The following GABRG3 variants were observed in gnomAD, a reference collection of about 807,000 sequenced individuals.
GABRG3 encodes gamma-aminobutyric acid receptor subunit gamma-3.
A neutral mutation model predicts 48.8 loss-of-function variants in GABRG3; 25 were observed. The observed-to-expected ratio is 0.51, with a 90% CI of 0.37 to 0.72. The LOEUF is 0.72. GABRG3 is among the 30% of genes least tolerant of loss of function. GABRG3 has a pLI of 0.00. For synonymous variants in GABRG3, 227 were observed against 217.6 expected (o/e 1.04, Z -0.38); for missense variants, 394 against 577.9 (o/e 0.68, Z 3.26).
intron 5 of GABRG3, among the ~76,000 whole-genome samples, chr15:27,342,082 T>G (rs991066494): frequency 6.6e-6 from 1 of 152,010 alleles, no homozygotes. Context: ...CATGTCAGAG[T>G]CCTGCCACTG....
chr15:27,530,266 C>G (rs1891390815), intron 9 of GABRG3, among the ~76,000 whole-genome samples: 1 of 152,126 alleles, frequency 6.6e-6, no homozygotes, highest in African/African-American at 2.4e-5. Flanking sequence ...AAGCACGGTG[C>G]TCTGGGACAC....
chr15:27,014,958 G>A (rs949552720), intron 2 of GABRG3, among the ~76,000 whole-genome samples: 1 of 152,186 alleles, frequency 6.6e-6, no homozygotes, highest in African/African-American at 2.4e-5. Context: ...AACGTTAGGT[G>A]TATATATACT....
intron 3 of GABRG3, among the ~76,000 whole-genome samples, chr15:27,309,300 A>ATGTGTG (rs60005048): frequency 2.0e-5 from 3 of 150,094 alleles, no homozygotes; most frequent in African/African-American, 7.3e-5. Flanking sequence ...TGTTTTATAT[A>ATGTGTG]TGTGTGTGTG....
chr15:27,217,706 C>A (rs940853694), intron 3 of GABRG3, among the ~76,000 whole-genome samples: 1 of 152,214 alleles, frequency 6.6e-6, no homozygotes, highest in Non-Finnish European at 1.5e-5. Context: ...GAGTCACTGG[C>A]ACACACAGAG....
At chr15:27,094,996 T>C (rs929269597) in intron 3 of GABRG3, among the ~76,000 whole-genome samples, 25 of 152,266 alleles carry the variant, frequency 1.6e-4, no homozygotes, top group African/African-American at 6.0e-4. Context: ...TTTCTTTTCT[T>C]TACAGCTGTA....
At chr15:27,055,977 A>G (rs1896538393) in intron 3 of GABRG3, among the ~76,000 whole-genome samples, 2 of 152,358 alleles carry the variant, frequency 1.3e-5, no homozygotes, top group Non-Finnish European at 1.5e-5. Context: ...ACATGTATAC[A>G]TTCTGCAGTG....
intron 3 of GABRG3, among the ~76,000 whole-genome samples, chr15:27,040,732 T>C (rs1418739771): frequency 6.6e-6 from 1 of 152,226 alleles, no homozygotes; most frequent in Non-Finnish European, 1.5e-5. Context: ...CTGTTTTCCT[T>C]TCTCTTTTCT....
chr15:27,423,242 TAAAAAAAAAAA>T (rs58007397), intron 5 of GABRG3, among the ~76,000 whole-genome samples: 50 of 74,756 alleles, frequency 6.7e-4, no homozygotes, highest in African/African-American at 2.4e-3. Context: ...GTCATTATGA[TAAAAAAAAAAA>T]AAAAAAAAAA....
rs1337063622 is a variant in GABRG3, at chr15:27,422,964, A to AT, written c.575-57685dup. 3.9e-5 allele frequency among the ~76,000 whole-genome samples: 6 copies of AT among 152,216 alleles called. No homozygotes were observed. The East Asian group carries it at 1.2e-3, about 30-fold the overall frequency. On this transcript the variant is annotated intron_variant, in intron 5 of 9. Coordinates refer to ENST00000615808, the MANE Select transcript of GABRG3 (RefSeq NM_033223.5). ...AGCACTGGCTTCTGAGACCACCCCT[A>AT]TCCTGGGCCACACAGGAGTGCTTTC...
At chr15:27,168,835 G>A (rs1216523179) in intron 3 of GABRG3, among the ~76,000 whole-genome samples, 12 of 152,168 alleles carry the variant, frequency 7.9e-5, no homozygotes, top group Admixed American at 7.9e-4. Context: ...TTGTTTGTAA[G>A]TTGCCCAGTC....
At chr15:27,027,967 AAAG>A (rs1327565117) in intron 3 of GABRG3, among the ~76,000 whole-genome samples, 4 of 152,248 alleles carry the variant, frequency 2.6e-5, no homozygotes, top group Non-Finnish European at 4.4e-5. Context: ...TCTAACACTC[AAAG>A]AAGAAGTGCC....
In GABRG3 at chr15:27,370,534, G is replaced by C. The variant is rs139975699; in HGVS notation, c.574+41646G>C. Among the ~76,000 whole-genome samples, 22 of 152,252 alleles carry C rather than the reference G, an allele frequency of 1.4e-4. No individual in the cohort carries two copies. In the East Asian group the frequency reaches 4.3e-3, roughly 29 times the overall value. The stretch of plus-strand genomic sequence containing the variant: ...AGTCTGGGACCACCCTGGGATCCTG[G>C]TCCAGCAGACTTGGTCTGTTAGTGG... On this transcript the variant is annotated intron_variant, in intron 5 of 9. Transcript: ENST00000615808.
chr15:27,000,944 T>G (rs1360452031), intron 2 of GABRG3, among the ~76,000 whole-genome samples: 1 of 152,196 alleles, frequency 6.6e-6, no homozygotes, highest in East Asian at 1.9e-4. Context: ...CTGTTCCCAG[T>G]CATATGGGGA....
chr15:27,267,527 C>T (rs1890959697), intron 3 of GABRG3, among the ~76,000 whole-genome samples: 1 of 151,888 alleles, frequency 6.6e-6, no homozygotes, highest in Non-Finnish European at 1.5e-5. Context: ...GCAGTCTCAA[C>T]TTCCCAGGCT....
intron 4 of GABRG3, among the ~76,000 whole-genome samples, 162 bp from the exon 5 acceptor site, chr15:27,328,644 A>C (rs935287586): frequency 5.3e-5 from 8 of 152,256 alleles, no homozygotes; most frequent in Admixed American, 1.3e-4. Flanking sequence ...AAAGCAACAC[A>C]GCACAGTCTC....
chr15:27,281,435 A>C (rs1891429672), intron 3 of GABRG3, among the ~76,000 whole-genome samples: 2 of 150,540 alleles, frequency 1.3e-5, no homozygotes. Context: ...AAAGGATAGC[A>C]TCTCTCTGTT....
At chr15:27,085,220 C>G (rs1235601620) in intron 3 of GABRG3, among the ~76,000 whole-genome samples, 1 of 152,152 alleles carries the variant, frequency 6.6e-6, no homozygotes, top group Admixed American at 6.5e-5. Flanking sequence ...CATGGGATGT[C>G]ACATCTCTAG....
chr15:27,330,945 C>T (rs1893783394), intron 5 of GABRG3, among the ~76,000 whole-genome samples: 1 of 151,966 alleles, frequency 6.6e-6, no homozygotes, highest in Non-Finnish European at 1.5e-5. Flanking sequence ...AATGCATGAG[C>T]AAAGAAAAAT....
At chr15:27,425,472 G>A (rs544757400) in intron 5 of GABRG3, among the ~76,000 whole-genome samples, 18 of 150,760 alleles carry the variant, frequency 1.2e-4, no homozygotes, top group South Asian at 8.4e-4. Context: ...AAAAATAGGC[G>A]TGGTGGTGGG....
Sources: gnomAD v4.1 joint callset for allele counts (sites outside exome capture counted in the v4.1 genomes callset) on GRCh38, gnomAD v4.1.1 for gene constraint, MANE v1.5 for transcripts, NCBI Gene and HGNC (gene_info 2026-07-23, HGNC 2026-07-21) for gene names.